The following TREM1 variants were observed in gnomAD, a reference collection of about 807,000 sequenced individuals.
TREM1 encodes the protein triggering receptor expressed on myeloid cells 1.
TREM1 carries 16 observed loss-of-function variants against 22.4 expected under a neutral mutation model. The observed-to-expected ratio is 0.71, with a 90% confidence interval of 0.48 to 1.08. The LOEUF is 1.08. TREM1 is among the 50% of genes least tolerant of loss of function. TREM1 has a pLI of 0.00. For missense variants in TREM1, 283 were observed against 282.9 expected (o/e 1.00, Z 0.00); for synonymous variants, 110 against 111.6 (o/e 0.99, Z 0.09).
intron 3 of TREM1, among the ~76,000 whole-genome samples, chr6:41,278,807 C>G (rs1767778513): frequency 6.6e-6 from 1 of 152,088 alleles, no homozygotes; most frequent in African/African-American, 2.4e-5. Flanking sequence ...CAGTCTCTAG[C>G]AGCAAGGCAG....
intron 1 of TREM1, among the ~76,000 whole-genome samples, chr6:41,283,295 T>C (rs1666445777): frequency 6.6e-6 from 1 of 152,156 alleles, no homozygotes; most frequent in Admixed American, 6.5e-5. Flanking sequence ...CTGGCACTCC[T>C]TTTTCCCTTC....
chr6:41,272,136 G>A (rs539708616), downstream of TREM1, among the ~76,000 whole-genome samples: 59 of 152,184 alleles, frequency 3.9e-4, no homozygotes, highest in Admixed American at 8.5e-4. Context: ...AGTGTGACTC[G>A]GGGAACAGCT....
intron 1 of TREM1, among the ~76,000 whole-genome samples, chr6:41,284,375 A>T (rs758214978): frequency 6.6e-6 from 1 of 152,202 alleles, no homozygotes; most frequent in Non-Finnish European, 1.5e-5. Flanking sequence ...AATAGTTTCC[A>T]TCACATTCTT....
intron 3 of TREM1, among the ~76,000 whole-genome samples, chr6:41,276,463 C>A (rs1361741749): frequency 6.6e-6 from 1 of 152,106 alleles, no homozygotes; most frequent in African/African-American, 2.4e-5. Context: ...TGGAGGGAGA[C>A]AGTCGGGCTG....
At chr6:41,284,583 G>C (rs936820822) in intron 1 of TREM1, among the ~76,000 whole-genome samples, 1 of 152,160 alleles carries the variant, frequency 6.6e-6, no homozygotes, top group African/African-American at 2.4e-5. Flanking sequence ...TTCCCCCATG[G>C]AGCACCAAAT....
rs1767653068 is a variant in TREM1, at chr6:41,276,080, T to C, written c.*45A>G. 1.4e-6 allele frequency: 2 copies of C among 1,465,934 alleles called. No individual in the cohort carries two copies. Among genetic ancestry groups the C allele is most frequent in the Admixed American group, 1.7e-5 (1 of 59,760 alleles). The allele number at this position is 1,465,934 out of a possible 1,614,324, so 90.8% of individuals were successfully genotyped here. On this transcript the variant is annotated 3_prime_UTR_variant, in exon 4 of 4. Transcript: ENST00000244709. ...CTCCTCCCTTGGCACAACTGCCAGA[T>C]GGATGTGGCTGGAAGTCAGAGGACA... is the stretch of plus-strand genomic sequence containing the variant.
chr6:41,276,224 C>T lies in TREM1; in HGVS notation c.606G>A (p.Pro202=), dbSNP rs763608336. The stretch of plus-strand genomic sequence containing the variant: ...CCAGGAGAATGACAATGTTGAACAC[C>T]GGAACCCTGCGGGAGACAAGAGGCT... ...LTNVTDIIRV[P]VFNIVILLAG... Residue 202 remains proline (P), a synonymous_variant, in exon 4 of 4, where the codon CCG becomes CCA. Coordinates refer to ENST00000244709, the MANE Select transcript of TREM1 (RefSeq NM_018643.5). 8 of 1,613,450 alleles carry T rather than the reference C, an allele frequency of 5.0e-6. No individual in the cohort carries two copies. The highest frequency in any genetic ancestry group is 4.0e-5 in the African/African-American group (3 of 74,994).
At position 41,275,309 on chromosome 6, in the gene TREM1, C is replaced by T. The variant is rs187866466; in HGVS notation, c.*816G>A. On this transcript the variant is annotated 3_prime_UTR_variant, in exon 4 of 4. Transcript: ENST00000244709. ...AGGCGGAACTCCTGGTTATTCTATT[C>T]TATATGGTTTTGGGGTCCTTCAGGT... 6.6e-6 allele frequency: 1 copy of T among 152,290 alleles called. No individual in the cohort carries two copies. The highest frequency in any genetic ancestry group is 1.9e-4 in the East Asian group (1 of 5,182). The allele number at this position is 152,290 out of a possible 1,614,324, so 9.4% of individuals were successfully genotyped here.
rs1767379978 is a variant in TREM1 at position 41,268,126 on chromosome 6, G to A, written c.600-38C>T. The A allele has an allele frequency of 2.8e-5, 11 of 398,410 alleles. No homozygotes were observed. In the South Asian group the frequency reaches 1.3e-3, roughly 46 times the overall value. 24.7% of individuals were successfully genotyped at this position (398,410 alleles called of 1,614,324 possible). ...GCGGGGGAAATGATTGGGTCAGGGA[G>A]CCCATACAGGAGATAGGCAAGGACG... is the stretch of plus-strand genomic sequence containing the variant. On this transcript the variant is annotated intron_variant, in intron 3 of 3. Coordinates refer to the TREM1 transcript ENST00000589614.
At chr6:41,283,062 T>C (rs1344715579) in intron 1 of TREM1, among the ~76,000 whole-genome samples, 1 of 152,158 alleles carries the variant, frequency 6.6e-6, no homozygotes, top group Admixed American at 6.5e-5. Flanking sequence ...ACATGGGATA[T>C]TGTACTAAGA....
At chr6:41,270,454 T>TA (rs1414323481), downstream of TREM1, among the ~76,000 whole-genome samples, 1 of 3,248 alleles carries the variant, frequency 3.1e-4, no homozygotes, top group African/African-American at 5.6e-4. Context: ...ATAATATATA[T>TA]ATATATATAT....
intron 3 of TREM1, 180 bp downstream of exon 3, chr6:41,280,781 C>T (rs150090031): frequency 6.4e-5 from 94 of 1,465,634 alleles, no homozygotes; most frequent in African/African-American, 9.9e-5. Context: ...CTGAGAGCCT[C>T]CCCTATTCTC....
chr6:41,280,741 G>GA, intron 3 of TREM1: 1 of 1,439,630 alleles, frequency 6.9e-7, no homozygotes, highest in Non-Finnish European at 9.1e-7. Flanking sequence ...AGGAAACAAA[G>GA]AAGGTGAACT....
At chr6:41,272,444 C>T (rs1485769174), downstream of TREM1, among the ~76,000 whole-genome samples, 1 of 152,218 alleles carries the variant, frequency 6.6e-6, no homozygotes, top group Non-Finnish European at 1.5e-5. Context: ...AGCCTTTCTG[C>T]TACATCCTCC....
Position 41,278,304 on chromosome 6 carries a change from A to G in TREM1, c.600-2074T>C, listed in dbSNP as rs114970064. 6.4e-3 allele frequency among the ~76,000 whole-genome samples: 967 copies of G among 152,228 alleles called. 6 individuals are homozygous for G. The highest frequency in any genetic ancestry group is 0.022 in the African/African-American group (916 of 41,530). On this transcript the variant is annotated intron_variant, in intron 3 of 3. Transcript: ENST00000244709. ...ATAGGGTGATAGTGGCTACCTCTGC[A>G]GTGCCTCTCCATCCCCAGGATAGCG... is the stretch of plus-strand genomic sequence containing the variant.
chr6:41,282,399 G>T lies in TREM1; in HGVS notation c.402C>A (p.Thr134=). 6.2e-7 allele frequency: 1 copy of T among 1,605,806 alleles called. No homozygotes were observed. The highest frequency in any genetic ancestry group is 8.5e-7 in the Non-Finnish European group (1 of 1,174,538). ...CCCAAGTCCCAGGCCACTCACCCTT[G>T]GTCACCACCAAGCGGATGCGATCGA... ...MLFDRIRLVV[T]KGFSGTPGSN... is the part of the protein sequence containing the mutation. The change falls in exon 2 of 4, where the codon ACC becomes ACA. Residue 134 remains threonine, a synonymous_variant. Transcript: ENST00000244709.
intron 3 of TREM1, 163 bp downstream of exon 3, chr6:41,280,798 C>T: frequency 1.4e-6 from 2 of 1,477,782 alleles, no homozygotes; most frequent in South Asian, 2.8e-5. Context: ...TCTCCATCAC[C>T]ACTTCCTTCT....
At chr6:41,278,648 C>A (rs1767767950) in intron 3 of TREM1, among the ~76,000 whole-genome samples, 1 of 150,012 alleles carries the variant, frequency 6.7e-6, no homozygotes, top group African/African-American at 2.5e-5. Context: ...CAGAGTGAGA[C>A]CGTGTCTCAA....
At position 41,274,036 on chromosome 6, in the gene TREM1, C is replaced by T. The variant is rs921146018; in HGVS notation, c.*2089G>A. ...AGTGCAAATGGGAGAGTATCCAGCA[C>T]GGCCATTTGTCTTCCGATTTAGTGC... On this transcript the variant is annotated 3_prime_UTR_variant, in exon 4 of 4. Coordinates refer to ENST00000244709, the MANE Select transcript of TREM1 (RefSeq NM_018643.5). 9.2e-5 allele frequency among the ~76,000 whole-genome samples: 14 copies of T among 152,172 alleles called. No homozygotes were observed. The highest frequency in any genetic ancestry group is 6.2e-4 in the South Asian group (3 of 4,818).
Sources: gnomAD v4.1 joint callset for allele counts (sites outside exome capture counted in the v4.1 genomes callset) on GRCh38, gnomAD v4.1.1 for gene constraint, MANE v1.5 for transcripts, NCBI Gene and HGNC (gene_info 2026-07-23, HGNC 2026-07-21) for gene names.